HIVEP1: variants seen among roughly 807,000 people sequenced by gnomAD.
HIVEP1 encodes the protein zinc finger protein 40.
Under a neutral mutation model 180.0 loss-of-function variants are expected in HIVEP1, and 36 were observed. That is an observed-to-expected ratio of 0.20 (90% CI 0.15 to 0.26). The LOEUF is 0.26. Ranked by LOEUF, HIVEP1 falls within the 10% of genes least tolerant of loss-of-function variation. HIVEP1 has a pLI of 1.00. For synonymous variants in HIVEP1, 1,239 were observed against 1,239.0 expected, an observed-to-expected ratio of 1.00 and a Z score of 0.00; for missense variants, 3,143 against 3,268.7, an observed-to-expected ratio of 0.96 and a Z score of 0.94.
chr6:12,196,371 T>C, the HIVEP1 span, among the ~76,000 whole-genome samples: 101,813 of 151,992 alleles, frequency 0.67, 35,822 homozygotes, highest in East Asian at 0.93. Flanking sequence ...TAAGTCATCT[T>C]TGGCAGTTCA....
At chr6:12,059,149 A>G (rs1771066339) in intron 2 of HIVEP1, among the ~76,000 whole-genome samples, 1 of 152,148 alleles carries the variant, frequency 6.6e-6, no homozygotes. Flanking sequence ...TATTATTATT[A>G]GACCATCACA....
At chr6:12,141,173 C>T (rs934459891) in intron 7 of HIVEP1, among the ~76,000 whole-genome samples, 27 of 152,080 alleles carry the variant, frequency 1.8e-4, no homozygotes, top group African/African-American at 5.8e-4. Context: ...GCAGATCTCT[C>T]GGCAGAAACT....
intron 7 of HIVEP1, among the ~76,000 whole-genome samples, chr6:12,159,754 AC>A (rs1562012343): frequency 6.6e-6 from 1 of 152,202 alleles, no homozygotes; most frequent in Non-Finnish European, 1.5e-5. Context: ...TAATAGTAGA[AC>A]CCTAAAAGCA....
At chr6:12,202,917 G>T in the HIVEP1 span, among the ~76,000 whole-genome samples, 1 of 152,010 alleles carries the variant, frequency 6.6e-6, no homozygotes. Context: ...GTCATCATAG[G>T]GCACACCTTC....
At position 12,130,900 on chromosome 6, in the gene HIVEP1, C is replaced by T; in HGVS notation, c.6343C>T (p.Pro2115Ser). The T allele has an allele frequency of 1.2e-6, 2 of 1,612,620 alleles. No homozygotes were observed. The highest frequency in any genetic ancestry group is 8.5e-7 in the Non-Finnish European group (1 of 1,178,894). The change falls in exon 6 of 9, where the codon CCC becomes TCC. Residue 2115 changes from proline (P) to serine (S), a missense_variant. By Grantham distance (74) the Pro-to-Ser change is moderately conservative (BLOSUM62 -1). Around this residue, in one of 12 missense-constraint regions of HIVEP1, gnomAD observed 126 missense variants for 168.5 expected, o/e 0.75. Transcript: ENST00000379388. ...KHIRTHTDVR[P>S]YHCTYCNFSF... ...CATACGAACCCATACAGATGTCCGC[C>T]CCTACCACTGCACTTACTGTAACTT...
chr6:12,186,604 A>G, the HIVEP1 span, among the ~76,000 whole-genome samples: 1 of 151,454 alleles, frequency 6.6e-6, no homozygotes, highest in Non-Finnish European at 1.5e-5. Flanking sequence ...AATAAAGCCT[A>G]AAGTCAGTTG....
chr6:12,064,220 A>G (rs761654451), intron 2 of HIVEP1, among the ~76,000 whole-genome samples: 1 of 152,148 alleles, frequency 6.6e-6, no homozygotes, highest in African/African-American at 2.4e-5. Context: ...TCTGGAAGCA[A>G]TGCATCCCTA....
chr6:12,139,126 C>T (rs1758860212), intron 7 of HIVEP1, among the ~76,000 whole-genome samples: 1 of 151,930 alleles, frequency 6.6e-6, no homozygotes, highest in African/African-American at 2.4e-5. Context: ...TGTGTCATTC[C>T]TTTGCTTAAA....
chr6:12,132,969 G>A (rs1237966989), intron 6 of HIVEP1, among the ~76,000 whole-genome samples: 1 of 152,026 alleles, frequency 6.6e-6, no homozygotes, highest in East Asian at 1.9e-4. Flanking sequence ...TTATGCCCCA[G>A]ATTTTCACCT....
intron 3 of HIVEP1, among the ~76,000 whole-genome samples, chr6:12,105,949 A>G (rs1053730941): frequency 3.3e-5 from 5 of 151,844 alleles, no homozygotes; most frequent in Non-Finnish European, 7.4e-5. Context: ...TTTCCCAAAA[A>G]TTTTGAAATA....
chr6:12,110,547 C>G (rs894780435), intron 3 of HIVEP1, among the ~76,000 whole-genome samples: 2 of 152,264 alleles, frequency 1.3e-5, no homozygotes, highest in African/African-American at 4.8e-5. Flanking sequence ...CCTCTGCTAG[C>G]TGTCAGCCTT....
chr6:12,009,026 G>T (rs1581469148), upstream of HIVEP1, among the ~76,000 whole-genome samples: 1 of 151,754 alleles, frequency 6.6e-6, no homozygotes, highest in South Asian at 2.1e-4. Context: ...AGCCCAGCGC[G>T]CGCGGAGGGC....
chr6:12,198,500 G>T, the HIVEP1 span, among the ~76,000 whole-genome samples: 2 of 152,136 alleles, frequency 1.3e-5, no homozygotes, highest in Non-Finnish European at 2.9e-5. Context: ...AGTACTGAGT[G>T]CCTCTAGCAG....
intron 3 of HIVEP1, among the ~76,000 whole-genome samples, chr6:12,099,102 G>T (rs9394540): frequency 0.063 from 9,568 of 151,902 alleles, 357 homozygotes; most frequent in Middle Eastern, 0.15. Context: ...GTGGGAGGTG[G>T]ACTGCAGGAG....
intron 7 of HIVEP1, among the ~76,000 whole-genome samples, chr6:12,156,963 T>A (rs571617884): frequency 3.3e-5 from 5 of 152,330 alleles, no homozygotes; most frequent in African/African-American, 1.2e-4. Context: ...ATTATGGATT[T>A]ATTTTTTTCA....
downstream of HIVEP1, among the ~76,000 whole-genome samples, chr6:12,167,857 GTA>G (rs1321459891): frequency 3.5e-5 from 5 of 141,628 alleles, no homozygotes; most frequent in African/African-American, 1.3e-4. Context: ...ATAGATGTGC[GTA>G]TATAATATAT....
At position 12,119,932 on chromosome 6, in the gene HIVEP1, A is replaced by G. The variant is rs1270421782; in HGVS notation, c.137A>G (p.Lys46Arg). ...AGVKGTSESLKGVKRKKIVAE... is the reference protein window; with the variant it reads ...AGVKGTSESLRGVKRKKIVAE... Reference sequence around the variant, plus strand: ...GTTAAAGGAACTTCGGAATCCCTTAAAGGTGTGAAACGCAAAAAGATCGTA... The same window carrying G: ...GTTAAAGGAACTTCGGAATCCCTTAGAGGTGTGAAACGCAAAAAGATCGTA... Residue 46 changes from lysine (K) to arginine (R), a missense_variant, in exon 4 of 9, where the codon AAA (lysine) becomes AGA (arginine). Coordinates refer to ENST00000379388, the MANE Select transcript of HIVEP1 (RefSeq NM_002114.4). 6.3e-7 allele frequency: 1 copy of G among 1,594,302 alleles called. No homozygotes were observed. The highest frequency in any genetic ancestry group is 2.2e-5 in the East Asian group (1 of 44,842).
At chr6:12,135,654 T>G (rs1303212903) in intron 6 of HIVEP1, 137 bp from the exon 7 acceptor site, 2 of 581,398 alleles carry the variant, frequency 3.4e-6, no homozygotes, top group Non-Finnish European at 6.2e-6. Flanking sequence ...AATTTTCTTT[T>G]GTTCACATTT....
the HIVEP1 span, among the ~76,000 whole-genome samples, chr6:12,183,381 T>C: frequency 6.6e-6 from 1 of 152,204 alleles, no homozygotes; most frequent in African/African-American, 2.4e-5. Context: ...TCCTGTTCTG[T>C]GGAGCAGACT....
Sources: gnomAD v4.1 joint callset for allele counts (sites outside exome capture counted in the v4.1 genomes callset) on GRCh38, gnomAD v4.1.1 for gene constraint, gnomAD v4.1.1 regional missense constraint, MANE v1.5 for transcripts, NCBI Gene and HGNC (gene_info 2026-07-23, HGNC 2026-07-21) for gene names.